TEKTIP1: variants seen among roughly 807,000 people sequenced by gnomAD.
TEKTIP1 encodes the protein tektin bundle interacting protein 1.
chr19:3,539,277 A>G, the TEKTIP1 span: 2 of 1,521,920 alleles, frequency 1.3e-6, no homozygotes, highest in African/African-American at 1.4e-5. Flanking sequence ...CCCTCCCTAC[A>G]GGTGAGCCCC....
the TEKTIP1 span, chr19:3,543,812 C>A: frequency 2.7e-6 from 4 of 1,508,234 alleles, no homozygotes; most frequent in Non-Finnish European, 2.7e-6. Context: ...ACATGGTGAC[C>A]CGAGTCCCAC....
chr19:3,543,723 C>A, the TEKTIP1 span: 1 of 1,497,134 alleles, frequency 6.7e-7, no homozygotes, highest in Non-Finnish European at 9.0e-7. Flanking sequence ...GCCAGGGGGA[C>A]AAGGCCACCT....
chr19:3,539,857 T>C, the TEKTIP1 span: 1 of 152,646 alleles, frequency 6.6e-6, no homozygotes, highest in Admixed American at 6.5e-5. Flanking sequence ...GTCACCCCGA[T>C]ACAGTGTCTA....
At chr19:3,539,536 T>G in the TEKTIP1 span, 1 of 477,774 alleles carries the variant, frequency 2.1e-6, no homozygotes. Context: ...CACAGAAATG[T>G]TCGCCCTCTG....
the TEKTIP1 span, chr19:3,543,753 C>A: frequency 1.3e-6 from 2 of 1,490,744 alleles, no homozygotes; most frequent in Non-Finnish European, 1.8e-6. Context: ...TGAAACTGCC[C>A]GGGGCGATCC....
chr19:3,543,567 A>T, the TEKTIP1 span: 1 of 1,503,668 alleles, frequency 6.7e-7, no homozygotes. Flanking sequence ...TACACCCAGC[A>T]CCTGCGGGAG....
chr19:3,542,801 C>T, the TEKTIP1 span: 7 of 1,371,194 alleles, frequency 5.1e-6, no homozygotes, highest in Non-Finnish European at 6.8e-6. Context: ...CCCCAGTCTT[C>T]CCTGGGCCAT....
chr19:3,539,287 C>A, the TEKTIP1 span: 11 of 1,390,062 alleles, frequency 7.9e-6, no homozygotes, highest in Non-Finnish European at 7.0e-6. Context: ...AGGTGAGCCC[C>A]TCCCAGCCCC....
chr19:3,542,896 G>A, the TEKTIP1 span: 1 of 1,414,138 alleles, frequency 7.1e-7, no homozygotes, highest in Non-Finnish European at 9.5e-7. Context: ...TGTGGGTCTT[G>A]GAGGCTGGAC....
the TEKTIP1 span, chr19:3,543,282 G>A: frequency 1.3e-6 from 2 of 1,548,162 alleles, no homozygotes; most frequent in East Asian, 4.9e-5. Flanking sequence ...CCAGCCATCA[G>A]GCAGGCCACA....
the TEKTIP1 span, chr19:3,543,663 T>G: frequency 6.5e-7 from 1 of 1,540,986 alleles, no homozygotes; most frequent in Admixed American, 2.0e-5. Context: ...GACAGGCCAA[T>G]CCGGGGCAAG....
At chr19:3,543,839 G>C in the TEKTIP1 span, 13 of 1,534,816 alleles carry the variant, frequency 8.5e-6, no homozygotes, top group East Asian at 2.5e-5. Flanking sequence ...TGCTCAACAG[G>C]AACCGGTACG....
the TEKTIP1 span, chr19:3,542,399 A>G: frequency 1.0e-6 from 1 of 985,420 alleles, no homozygotes; most frequent in South Asian, 4.7e-5. Context: ...TGGGGCCAGC[A>G]ACCTTGTTTT....
the TEKTIP1 span, among the ~76,000 whole-genome samples, chr19:3,540,886 AAAAT>A: frequency 7.6e-6 from 1 of 130,724 alleles, no homozygotes; most frequent in Admixed American, 7.6e-5. Context: ...AAAAAAAAAA[AAAAT>A]CCAGGCGCAG....
the TEKTIP1 span, chr19:3,540,058 C>A: frequency 6.6e-6 from 1 of 151,424 alleles, no homozygotes; most frequent in Non-Finnish European, 1.5e-5. Context: ...TCAAGACCAG[C>A]CTGAGCAACA....
chr19:3,543,729 C>T, the TEKTIP1 span: 1 of 1,495,336 alleles, frequency 6.7e-7, no homozygotes, highest in Non-Finnish European at 9.0e-7. Context: ...GGGACAAGGC[C>T]ACCTAGGCCA....
At chr19:3,541,642 T>TA in the TEKTIP1 span, 6 of 984,888 alleles carry the variant, frequency 6.1e-6, no homozygotes, top group Non-Finnish European at 7.2e-6. Flanking sequence ...TTCTATTTTT[T>TA]AAAAAAATGG....
the TEKTIP1 span, chr19:3,543,490 C>CT: frequency 6.6e-7 from 1 of 1,519,396 alleles, no homozygotes; most frequent in Non-Finnish European, 8.8e-7. Context: ...GCCCCCCCCC[C>CT]CGCCCTGGGC....
the TEKTIP1 span, chr19:3,542,675 G>A: frequency 1.7e-6 from 2 of 1,191,270 alleles, no homozygotes; most frequent in South Asian, 2.9e-5. Context: ...TAGAGATGGG[G>A]TTTTACCATG....
Sources: gnomAD v4.1 joint callset for allele counts (sites outside exome capture counted in the v4.1 genomes callset) on GRCh38, gnomAD v4.1.1 for gene constraint, MANE v1.5 for transcripts, NCBI Gene and HGNC (gene_info 2026-07-23, HGNC 2026-07-21) for gene names.